HSPH1: variants seen among roughly 807,000 people sequenced by gnomAD.
HSPH1 encodes the protein heat shock protein family H (Hsp110) member 1.
A neutral mutation model predicts 100.0 loss-of-function variants in HSPH1; 40 were observed. That is an observed-to-expected ratio of 0.40 (90% confidence interval 0.31 to 0.52). The LOEUF (loss-of-function observed/expected upper bound fraction) is 0.52, where lower values mean the gene tolerates loss of function less well. HSPH1 is among the 20% of genes least tolerant of loss of function. The pLI, the probability that HSPH1 is intolerant of heterozygous loss-of-function variation, is 0.54. For missense variants in HSPH1, 876 were observed against 1,015.1 expected (o/e 0.86, Z 1.86); for synonymous variants, 403 against 344.0 (o/e 1.17, Z -1.90).
At chr13:31,150,235 A>T in intron 7 of HSPH1, 53 bp from the exon 8 acceptor site, 1 of 1,219,712 alleles carries the variant, frequency 8.2e-7, no homozygotes, top group Non-Finnish European at 1.2e-6. Context: ...ATCCTGTCCT[A>T]CTTTTGACAA....
At chr13:31,161,303 G>GC (rs965446679) in intron 1 of HSPH1, among the ~76,000 whole-genome samples, 173 bp downstream of exon 1, 9 of 152,150 alleles carry the variant, frequency 5.9e-5, no homozygotes, top group African/African-American at 1.7e-4. Flanking sequence ...GTGATGGCAA[G>GC]CCCCCCATCC....
chr13:31,154,303 T>TGG, intron 4 of HSPH1: 2 of 345,908 alleles, frequency 5.8e-6, no homozygotes, highest in East Asian at 7.0e-5. Flanking sequence ...GTAGAATTCT[T>TGG]TCACCTGTGA....
chr13:31,144,453 G>C (rs1956202098), intron 11 of HSPH1, among the ~76,000 whole-genome samples: 1 of 152,122 alleles, frequency 6.6e-6, no homozygotes, highest in Non-Finnish European at 1.5e-5. Context: ...CTGTGATCCA[G>C]CTATTTATAC....
At chr13:31,156,410 T>G (rs1475136619) in intron 2 of HSPH1, among the ~76,000 whole-genome samples, 1 of 150,940 alleles carries the variant, frequency 6.6e-6, no homozygotes, top group South Asian at 2.1e-4. Context: ...AAAAAGTTAA[T>G]TTTTATAGCT....
At position 31,161,674 on chromosome 13, in the gene HSPH1, G is replaced by T; in HGVS notation, c.-92C>A. 6.4e-7 allele frequency: 1 copy of T among 1,567,254 alleles called. No homozygotes were observed. Among genetic ancestry groups the T allele is most frequent in the Non-Finnish European group, 8.6e-7 (1 of 1,163,270 alleles). ...CCTGCCGCCGCTTTCTGCCCTGGCC[G>T]CGTTCTGCTCCGGCCCGCGGGGTCT... On this transcript the variant is annotated 5_prime_UTR_variant, in exon 1 of 18. Transcript: ENST00000320027.
At chr13:31,154,781 A>T in intron 3 of HSPH1, 26 bp from the exon 4 acceptor site, 1 of 1,603,670 alleles carries the variant, frequency 6.2e-7, no homozygotes, top group Non-Finnish European at 8.5e-7. Flanking sequence ...AAAATGTTTT[A>T]AACATTGTAG....
In HSPH1 at chr13:31,135,533, A is replaced by G. The variant is rs1477814664; in HGVS notation, c.*1785T>C. On this transcript the variant is annotated 3_prime_UTR_variant, in exon 18 of 18. Coordinates refer to ENST00000320027, the MANE Select transcript of HSPH1 (RefSeq NM_006644.4). Reference sequence around the variant, plus strand: ...TGACATAAAGATTCTTAGTAAGAACATTTTACATTCCAATATTACAAATGA... The same window carrying G: ...TGACATAAAGATTCTTAGTAAGAACGTTTTACATTCCAATATTACAAATGA... 2.6e-5 allele frequency: 4 copies of G among 152,252 alleles called. No homozygotes were observed. Among genetic ancestry groups the G allele is most frequent in the Non-Finnish European group, 5.9e-5 (4 of 68,040 alleles). 9.4% of individuals were successfully genotyped at this position (152,252 alleles called of 1,614,324 possible).
intron 15 of HSPH1, 28 bp from the exon 16 acceptor site, chr13:31,138,928 TTA>T (rs749113800): frequency 6.4e-7 from 1 of 1,572,404 alleles, no homozygotes; most frequent in African/African-American, 1.4e-5. Context: ...AAATTAATAG[TTA>T]TCATAATTTT....
Position 31,136,045 on chromosome 13 carries a change from G to A in HSPH1, c.*1273C>T, listed in dbSNP as rs1412042164. 4 of 151,472 alleles carry A rather than the reference G, an allele frequency of 2.6e-5. No homozygotes were observed. The highest frequency in any genetic ancestry group is 7.3e-5 in the African/African-American group (3 of 41,242). 9.4% of individuals were successfully genotyped at this position (151,472 alleles called of 1,614,324 possible). A position where few individuals can be genotyped will look rare whatever the true frequency, so the allele number is the denominator to read the frequency against. On this transcript the variant is annotated 3_prime_UTR_variant, in exon 18 of 18. Coordinates refer to ENST00000320027, the MANE Select transcript of HSPH1 (RefSeq NM_006644.4). Reference sequence around the variant, plus strand: ...AAAAAGAATAAACTGTTGCACCCTAGTGAGGAGCTGGTTGTCACCTATCCT... The same window carrying A: ...AAAAAGAATAAACTGTTGCACCCTAATGAGGAGCTGGTTGTCACCTATCCT...
intron 11 of HSPH1, among the ~76,000 whole-genome samples, chr13:31,145,059 A>G (rs1566000622): frequency 6.6e-6 from 1 of 152,166 alleles, no homozygotes; most frequent in African/African-American, 2.4e-5. Flanking sequence ...CTAATGATGA[A>G]TAACAACTCT....
chr13:31,147,629 T>A (rs555588675), intron 10 of HSPH1, among the ~76,000 whole-genome samples: 1 of 152,192 alleles, frequency 6.6e-6, no homozygotes, highest in East Asian at 1.9e-4. Flanking sequence ...AAGTTAGTAT[T>A]AAAAGCACGG....
Position 31,143,814 on chromosome 13 carries a change from T to A in HSPH1, c.1694A>T (p.Asn565Ile). 6.2e-7 allele frequency: 1 copy of A among 1,609,662 alleles called. No homozygotes were observed. The highest frequency in any genetic ancestry group is 8.5e-7 in the Non-Finnish European group (1 of 1,177,762). The change falls in exon 12 of 18, where the codon AAC becomes ATC. Residue 565 changes from asparagine (N) to isoleucine (I), a missense_variant. Physicochemically the swap from Asn to Ile is moderately radical, Grantham distance 149. Transcript: ENST00000320027. ...PPSPELTSEE[N>I]KIPDADKANE... ...CACTTTGTCAGCATCTGGGATTTTG[T>A]TTTCTTCTGAGGTAAGTTCAGGTGA...
Position 31,152,917 on chromosome 13 carries a change from G to A in HSPH1, c.464C>T (p.Ser155Phe). The A allele has an allele frequency of 1.9e-6, 3 of 1,612,554 alleles. No individual in the cohort carries two copies. The highest frequency in any genetic ancestry group is 2.5e-6 in the Non-Finnish European group (3 of 1,178,846). Residue 155 changes from serine to phenylalanine, a missense_variant, in exon 5 of 18, where the codon TCT becomes TTT. By Grantham distance (155) the Ser-to-Phe change is radical. Transcript: ENST00000320027. ...AACAATCTGTGCAGCATCTAACACAGATCGCCTCTCAGCATCTGTAAAGAA... is the reference window on the plus strand; with the variant it reads ...AACAATCTGTGCAGCATCTAACACAAATCGCCTCTCAGCATCTGTAAAGAA... ...PSFFTDAERR[S>F]VLDAAQIVGL...
intron 10 of HSPH1, among the ~76,000 whole-genome samples, chr13:31,146,276 A>G (rs1207889969): frequency 6.6e-6 from 1 of 152,210 alleles, no homozygotes; most frequent in Non-Finnish European, 1.5e-5. Flanking sequence ...ATATACTATA[A>G]CTATGACCTC....
chr13:31,149,828 C>T (rs1956416410), intron 8 of HSPH1, 126 bp downstream of exon 8: 9 of 709,052 alleles, frequency 1.3e-5, no homozygotes, highest in Non-Finnish European at 1.7e-5. Context: ...TACAGCTTTA[C>T]GGGTTTGTTT....
chr13:31,138,980 T>C lies in HSPH1; in HGVS notation c.2088+20A>G, dbSNP rs773254355. The C allele has an allele frequency of 6.3e-7, 1 of 1,594,092 alleles. No individual in the cohort carries two copies. Among genetic ancestry groups the C allele is most frequent in the Non-Finnish European group, 8.6e-7 (1 of 1,162,572 alleles). On this transcript the variant is annotated intron_variant, in intron 15 of 17. Coordinates refer to ENST00000320027, the MANE Select transcript of HSPH1 (RefSeq NM_006644.4). ...AGTTTAAAACACAAGTACCACCTTT[T>C]GGGGGAGAAAACGACCTACCATTAA...
chr13:31,140,762 C>A (rs747899901), intron 13 of HSPH1: 33 of 175,206 alleles, frequency 1.9e-4, no homozygotes, highest in Non-Finnish European at 3.1e-4. Context: ...ATGGAAAAAC[C>A]AAATCTCAAT....
chr13:31,140,829 T>C (rs147617136), intron 13 of HSPH1: 3,541 of 230,660 alleles, frequency 0.015, 46 homozygotes, highest in Non-Finnish European at 0.022. Context: ...TGTATTCTAA[T>C]AGAAATATTT....
At position 31,148,743 on chromosome 13, in the gene HSPH1, G is replaced by A. The variant is rs148733270; in HGVS notation, c.1138-263C>T. On this transcript the variant is annotated intron_variant, in intron 8 of 17. Transcript: ENST00000320027. ...CAATAACAGGTTTCACAGGGGATTA[G>A]GAAAAAAGCCTGGTCTTTCTAGAAA... Among the ~76,000 whole-genome samples, 9 of 152,104 alleles carry A rather than the reference G, an allele frequency of 5.9e-5. No homozygotes were observed. In the East Asian group the frequency reaches 1.7e-3, roughly 29 times the overall value.
Sources: gnomAD v4.1 joint callset for allele counts (sites outside exome capture counted in the v4.1 genomes callset) on GRCh38, gnomAD v4.1.1 for gene constraint, MANE v1.5 for transcripts, NCBI Gene and HGNC (gene_info 2026-07-23, HGNC 2026-07-21) for gene names.